EXOC6: variants seen among roughly 807,000 people sequenced by gnomAD.
EXOC6 encodes the protein SEC15-like 1.
EXOC6 carries 60 observed loss-of-function variants against 112.5 expected under a neutral mutation model. The ratio of observed to expected loss-of-function variants is 0.53; its 90% CI spans 0.43 to 0.66. The LOEUF (loss-of-function observed/expected upper bound fraction) is 0.66. EXOC6 is among the 30% of genes least tolerant of loss of function. The pLI, the probability that EXOC6 is intolerant of heterozygous loss-of-function variation, is 0.00. For synonymous variants in EXOC6, 295 were observed against 308.0 expected (o/e 0.96, Z 0.44); for missense variants, 855 against 957.1 (o/e 0.89, Z 1.41).
chr10:92,913,814 G>A (rs1850935793), intron 6 of EXOC6, among the ~76,000 whole-genome samples: 1 of 152,088 alleles, frequency 6.6e-6, no homozygotes, highest in Non-Finnish European at 1.5e-5. Flanking sequence ...TAGCTATTAT[G>A]CCTAACATGA....
At chr10:92,840,381 TATG>T (rs1846802955) in intron 1 of EXOC6, among the ~76,000 whole-genome samples, 1 of 152,190 alleles carries the variant, frequency 6.6e-6, no homozygotes, top group Non-Finnish European at 1.5e-5. Flanking sequence ...AAGTGGGGAT[TATG>T]ATAAAACCTA....
Position 92,934,310 on chromosome 10 carries a change from G to T in EXOC6, c.1020G>T (p.Gly340=), listed in dbSNP as rs1470900400. The T allele has an allele frequency of 6.3e-7, 1 of 1,574,810 alleles. No homozygotes were observed. The highest frequency in any genetic ancestry group is 1.2e-5 in the South Asian group (1 of 82,762). Residue 340 remains glycine (G), a splice_region_variant and synonymous_variant, in exon 11 of 22, where the codon GGG becomes GGT. Coordinates refer to ENST00000260762, the MANE Select transcript of EXOC6 (RefSeq NM_019053.6). ...ATGCTTTGGTAATTACTGTTTTTAG[G>T]TTCTTTGTGGTAGAAGATCACATTT... ...GYRRYFTQIV[G]FFVVEDHILH...
intron 19 of EXOC6, among the ~76,000 whole-genome samples, chr10:93,000,501 C>G (rs1184449941): frequency 6.6e-6 from 1 of 152,094 alleles, no homozygotes; most frequent in Non-Finnish European, 1.5e-5. Context: ...TGAGTATGAG[C>G]TATAACTCAA....
chr10:93,050,654 G>A (rs1846235705), intron 20 of EXOC6, among the ~76,000 whole-genome samples: 1 of 151,030 alleles, frequency 6.6e-6, no homozygotes, highest in Admixed American at 6.6e-5. Context: ...CAGCTACTCA[G>A]GAGGCTGAGG....
At chr10:92,917,580 A>G (rs1002337688) in intron 7 of EXOC6, among the ~76,000 whole-genome samples, 29 of 146,170 alleles carry the variant, frequency 2.0e-4, no homozygotes, top group Non-Finnish European at 4.5e-5. Context: ...CCGTGAGTGC[A>G]GTGGTACAGT....
intron 17 of EXOC6, among the ~76,000 whole-genome samples, chr10:92,966,066 G>T (rs1206441736): frequency 6.6e-6 from 1 of 151,780 alleles, no homozygotes; most frequent in African/African-American, 2.4e-5. Context: ...CTTGAGAAAA[G>T]GTTATTTTAA....
chr10:93,003,798 C>T (rs1564902649), intron 19 of EXOC6, among the ~76,000 whole-genome samples: 1 of 151,878 alleles, frequency 6.6e-6, no homozygotes, highest in Non-Finnish European at 1.5e-5. Context: ...TTGACTATGA[C>T]CGAAGTAAAA....
chr10:92,873,963 G>C (rs1044309701), intron 1 of EXOC6, among the ~76,000 whole-genome samples: 1 of 151,768 alleles, frequency 6.6e-6, no homozygotes, highest in Middle Eastern at 3.4e-3. Context: ...TGAGGCAGGA[G>C]AATTGCTTGA....
At chr10:93,050,298 C>A (rs1326052978) in intron 20 of EXOC6, among the ~76,000 whole-genome samples, 1 of 152,174 alleles carries the variant, frequency 6.6e-6, no homozygotes, top group Non-Finnish European at 1.5e-5. Flanking sequence ...CACCTGTAAT[C>A]CCAGCATTTT....
chr10:93,048,922 AAT>A (rs1234682823), intron 20 of EXOC6, among the ~76,000 whole-genome samples: 1 of 152,156 alleles, frequency 6.6e-6, no homozygotes, highest in Non-Finnish European at 1.5e-5. Context: ...ATAAGGTGCT[AAT>A]GTTCTTATAC....
At chr10:93,029,155 A>G (rs529416029) in intron 20 of EXOC6, among the ~76,000 whole-genome samples, 1 of 152,314 alleles carries the variant, frequency 6.6e-6, no homozygotes, top group African/African-American at 2.4e-5. Context: ...TGAAGGCTCA[A>G]ATGATCATTA....
chr10:93,021,213 G>C (rs1844770214), intron 20 of EXOC6, among the ~76,000 whole-genome samples: 1 of 151,966 alleles, frequency 6.6e-6, no homozygotes, highest in South Asian at 2.1e-4. Context: ...CAGGCATGGT[G>C]GCTCACACCT....
chr10:92,888,091 G>A (rs1277833728), intron 1 of EXOC6, among the ~76,000 whole-genome samples: 2 of 152,118 alleles, frequency 1.3e-5, no homozygotes, highest in Non-Finnish European at 2.9e-5. Context: ...CTCATTCACA[G>A]TACTAATTCC....
chr10:93,046,148 T>C (rs1845992852), intron 20 of EXOC6, among the ~76,000 whole-genome samples: 1 of 152,202 alleles, frequency 6.6e-6, no homozygotes, highest in East Asian at 1.9e-4. Flanking sequence ...GCCTAGTATA[T>C]GCCAGTTACC....
intron 19 of EXOC6, among the ~76,000 whole-genome samples, chr10:93,002,572 T>G (rs2134196339): frequency 6.6e-6 from 1 of 152,294 alleles, no homozygotes; most frequent in African/African-American, 2.4e-5. Context: ...TGATAAAGTT[T>G]GAGAACCGCT....
chr10:92,943,339 C>T lies in EXOC6; in HGVS notation c.1310+2515C>T, dbSNP rs142352074. 2.0e-5 allele frequency among the ~76,000 whole-genome samples: 3 copies of T among 152,024 alleles called. No individual in the cohort carries two copies. The East Asian group carries it at 5.8e-4, about 29-fold the overall frequency. ...GGCCACCTAAATTTTTAAGAAGTAG[C>T]ACAACTTAAGCTTTGCTTACCTCTG... is the stretch of plus-strand genomic sequence containing the variant. On this transcript the variant is annotated intron_variant, in intron 13 of 21. Coordinates refer to ENST00000260762, the MANE Select transcript of EXOC6 (RefSeq NM_019053.6).
intron 18 of EXOC6, among the ~76,000 whole-genome samples, chr10:92,983,035 CCTT>C (rs1564885577): frequency 3.3e-5 from 5 of 152,276 alleles, no homozygotes; most frequent in Middle Eastern, 3.4e-3. Flanking sequence ...ATCATTCTCT[CCTT>C]AAGAATTCTT....
At position 92,996,027 on chromosome 10, in the gene EXOC6, C is replaced by T. The variant is rs1055405243; in HGVS notation, c.1954-1447C>T. 7.9e-5 allele frequency among the ~76,000 whole-genome samples: 12 copies of T among 152,024 alleles called. No individual in the cohort carries two copies. The South Asian group carries it at 2.5e-3, about 32-fold the overall frequency. On this transcript the variant is annotated intron_variant, in intron 18 of 21. Transcript: ENST00000260762. ...CAACCCTATGTAATATGTTTTTGTA[C>T]TAATATATTGTAACATTTCTGTTTG...
At chr10:92,853,102 A>G (rs1161058703) in intron 1 of EXOC6, among the ~76,000 whole-genome samples, 1 of 152,196 alleles carries the variant, frequency 6.6e-6, no homozygotes, top group East Asian at 1.9e-4. Flanking sequence ...GTTTCTCTGT[A>G]CTAGCAACAA....
Sources: gnomAD v4.1 joint callset for allele counts (sites outside exome capture counted in the v4.1 genomes callset) on GRCh38, gnomAD v4.1.1 for gene constraint, MANE v1.5 for transcripts, NCBI Gene and HGNC (gene_info 2026-07-23, HGNC 2026-07-21) for gene names.